TSHZ1: variants seen among roughly 807,000 people sequenced by gnomAD.
TSHZ1 encodes the protein teashirt homolog 1.
A neutral mutation model predicts 67.1 loss-of-function variants in TSHZ1; 12 were observed. The ratio of observed to expected loss-of-function variants is 0.18; its 90% CI spans 0.11 to 0.29. TSHZ1 has a LOEUF of 0.29. Among genes scored for constraint, TSHZ1 ranks in the 10% least tolerant of loss-of-function variants. The pLI is 1.00. For synonymous variants in TSHZ1, 632 were observed against 622.4 expected (o/e 1.02, Z -0.23); for missense variants, 1,305 against 1,413.9 (o/e 0.92, Z 1.23).
chr18:75,228,415 A>G (rs892212135), intron 1 of TSHZ1, among the ~76,000 whole-genome samples: 2 of 152,204 alleles, frequency 1.3e-5, no homozygotes, highest in Non-Finnish European at 2.9e-5. Flanking sequence ...ATGGAGATGT[A>G]CCCCAGAGCT....
rs2023835810 is a variant in TSHZ1 at position 75,289,652 on chromosome 18, T to A, written c.*1011T>A. The A allele has an allele frequency of 5.4e-5, 9 of 167,102 alleles. No individual in the cohort carries two copies. The allele number at this position is 167,102 out of a possible 1,614,324, so 10.4% of individuals were successfully genotyped here. The stretch of plus-strand genomic sequence containing the variant: ...TCTCTTTTAACTTTTTATATTGTCA[T>A]TTTATATTAAATTTCTGTGTATATA... On this transcript the variant is annotated 3_prime_UTR_variant, in exon 2 of 2. Coordinates refer to ENST00000580243, the MANE Select transcript of TSHZ1 (RefSeq NM_001308210.2).
At chr18:75,232,502 T>G (rs961153218) in intron 1 of TSHZ1, among the ~76,000 whole-genome samples, 2 of 152,350 alleles carry the variant, frequency 1.3e-5, no homozygotes, top group African/African-American at 4.8e-5. Context: ...TTCTCAACTT[T>G]GCATTGAGAG....
intron 1 of TSHZ1, among the ~76,000 whole-genome samples, chr18:75,275,987 C>A (rs781079501): frequency 6.6e-6 from 1 of 152,192 alleles, no homozygotes; most frequent in African/African-American, 2.4e-5. Flanking sequence ...CACTGAAAAT[C>A]AAAGTTTTTC....
At chr18:75,244,167 C>T (rs374581062) in intron 1 of TSHZ1, among the ~76,000 whole-genome samples, 18 of 152,062 alleles carry the variant, frequency 1.2e-4, no homozygotes, top group Admixed American at 3.9e-4. Context: ...GCATCGTGCT[C>T]GGAGTTCCGG....
intron 1 of TSHZ1, among the ~76,000 whole-genome samples, chr18:75,274,088 C>T (rs2023588146): frequency 6.6e-6 from 1 of 152,118 alleles, no homozygotes; most frequent in South Asian, 2.1e-4. Context: ...GTGCGTGTCC[C>T]CCCGATGGCA....
In TSHZ1 at chr18:75,233,588, G is replaced by A. The variant is rs535313239; in HGVS notation, c.40+21672G>A. Among the ~76,000 whole-genome samples the A allele has an allele frequency of 8.6e-4, 131 of 152,290 alleles. 1 individual carries two copies. Among genetic ancestry groups the A allele is most frequent in the African/African-American group, 3.0e-3 (125 of 41,558 alleles). On this transcript the variant is annotated intron_variant, in intron 1 of 1. Transcript: ENST00000580243. ...TGTTTTATTTTATTTTTTGGAGTAGGGGGACATAGTATGAGTCAGCCTGGT... is the reference window on the plus strand; with the variant it reads ...TGTTTTATTTTATTTTTTGGAGTAGAGGGACATAGTATGAGTCAGCCTGGT...
intron 1 of TSHZ1, among the ~76,000 whole-genome samples, chr18:75,256,191 A>G (rs937994069): frequency 3.3e-5 from 5 of 152,218 alleles, no homozygotes; most frequent in Admixed American, 2.6e-4. Flanking sequence ...TTAATTTTCA[A>G]CGGTAGTATT....
chr18:75,248,518 G>A (rs557509574), intron 1 of TSHZ1, among the ~76,000 whole-genome samples: 1 of 152,320 alleles, frequency 6.6e-6, no homozygotes, highest in East Asian at 1.9e-4. Context: ...GATAGACTGA[G>A]TAATGCTGAA....
chr18:75,279,429 C>A (rs1179509600), intron 1 of TSHZ1, among the ~76,000 whole-genome samples: 2 of 152,008 alleles, frequency 1.3e-5, no homozygotes, highest in Non-Finnish European at 2.9e-5. Context: ...GTGAGCAAAC[C>A]CCATCAGCTA....
intron 1 of TSHZ1, among the ~76,000 whole-genome samples, chr18:75,263,000 C>T (rs1478470033): frequency 6.6e-6 from 1 of 152,212 alleles, no homozygotes; most frequent in Non-Finnish European, 1.5e-5. Context: ...AGTTTCCCAG[C>T]AGTGTCGTAT....
rs556121317 is a variant in TSHZ1, at chr18:75,250,819, G to T, written c.41-34629G>T. ...TGTCCTGGCACAGACGAGGGTCCAG[G>T]ATGGATTCGATTCCTTCGGTGCCTG... On this transcript the variant is annotated intron_variant, in intron 1 of 1. Transcript: ENST00000580243. Among the ~76,000 whole-genome samples, 337 of 152,336 alleles carry T rather than the reference G, an allele frequency of 2.2e-3. 6 individuals are homozygous for T. The highest frequency in any genetic ancestry group is 2.2e-3 in the Non-Finnish European group (152 of 68,034).
At chr18:75,225,411 G>A (rs57551687) in intron 1 of TSHZ1, among the ~76,000 whole-genome samples, 1,847 of 152,364 alleles carry the variant, frequency 0.012, 28 homozygotes, top group African/African-American at 0.042. Context: ...AGATGTGATC[G>A]CTTCTGTCCG....
At chr18:75,271,349 G>A (rs1482290509) in intron 1 of TSHZ1, among the ~76,000 whole-genome samples, 3 of 152,200 alleles carry the variant, frequency 2.0e-5, no homozygotes, top group Non-Finnish European at 2.9e-5. Context: ...AAGAATGCTT[G>A]AGGCTTGAAC....
chr18:75,217,195 A>G (rs956324339), intron 1 of TSHZ1, among the ~76,000 whole-genome samples: 2 of 152,242 alleles, frequency 1.3e-5, no homozygotes, highest in African/African-American at 2.4e-5. Flanking sequence ...CTTGGTTCTT[A>G]TGAACGATTA....
At chr18:75,234,843 G>T (rs777394351) in intron 1 of TSHZ1, among the ~76,000 whole-genome samples, 1 of 152,122 alleles carries the variant, frequency 6.6e-6, no homozygotes, top group Non-Finnish European at 1.5e-5. Context: ...GGGAGGAATT[G>T]TTTCTGTGAT....
chr18:75,252,093 C>T (rs1225232786), intron 1 of TSHZ1, among the ~76,000 whole-genome samples: 1 of 152,198 alleles, frequency 6.6e-6, no homozygotes, highest in African/African-American at 2.4e-5. Context: ...ATATTTATCT[C>T]TGTCTCTGTA....
At chr18:75,282,808 A>G (rs926322042) in intron 1 of TSHZ1, 2 of 152,262 alleles carry the variant, frequency 1.3e-5, no homozygotes, top group Admixed American at 1.3e-4. Flanking sequence ...TGACGAACAC[A>G]AAGTCACTTA....
chr18:75,262,050 T>A (rs1423153812), intron 1 of TSHZ1, among the ~76,000 whole-genome samples: 2 of 152,130 alleles, frequency 1.3e-5, no homozygotes, highest in Non-Finnish European at 2.9e-5. Flanking sequence ...GATGAGATGG[T>A]GGCCTGAAAA....
intron 1 of TSHZ1, among the ~76,000 whole-genome samples, chr18:75,224,432 TAAAGTA>T (rs1320929348): frequency 2.6e-5 from 4 of 152,192 alleles, no homozygotes; most frequent in Non-Finnish European, 5.9e-5. Context: ...GGACAGGTCA[TAAAGTA>T]AAAGTATAAA....
Sources: allele counts gnomAD v4.1 joint callset (sites outside exome capture counted in the v4.1 genomes callset), GRCh38; gene constraint gnomAD v4.1.1; transcripts MANE v1.5; gene names NCBI Gene and HGNC (gene_info 2026-07-23, HGNC 2026-07-21).